The following TDRD9 variants were observed in gnomAD, a reference collection of about 807,000 sequenced individuals.
TDRD9 encodes the protein tudor domain containing 9.
TDRD9 carries 124 observed loss-of-function variants against 172.6 expected under a neutral mutation model. That is an observed-to-expected ratio of 0.72 (90% CI 0.62 to 0.83). The LOEUF is 0.83. Among genes scored for constraint, TDRD9 ranks in the 40% least tolerant of loss-of-function variants. TDRD9 has a pLI of 0.00. For missense variants in TDRD9, 1,479 were observed against 1,714.1 expected, an observed-to-expected ratio of 0.86 and a Z score of 2.42; for synonymous variants, 619 against 617.1, an observed-to-expected ratio of 1.00 and a Z score of -0.05.
At chr14:103,955,245 G>A (rs181801977) in intron 1 of TDRD9, among the ~76,000 whole-genome samples, 58 of 152,250 alleles carry the variant, frequency 3.8e-4, no homozygotes, top group Non-Finnish European at 7.5e-4. Context: ...TTAATTAGCT[G>A]ATTTCAGCTA....
intron 27 of TDRD9, among the ~76,000 whole-genome samples, chr14:104,026,367 T>C (rs1480320316): frequency 2.0e-5 from 3 of 152,254 alleles, no homozygotes; most frequent in Admixed American, 6.5e-5. Flanking sequence ...TAGTATCTTC[T>C]AATACTGTTT....
At chr14:103,943,089 G>A (rs2031337817) in intron 1 of TDRD9, among the ~76,000 whole-genome samples, 1 of 151,596 alleles carries the variant, frequency 6.6e-6, no homozygotes, top group Non-Finnish European at 1.5e-5. Context: ...CTATTTAGGT[G>A]CATATTGGTT....
intron 32 of TDRD9, among the ~76,000 whole-genome samples, chr14:104,035,443 T>C (rs1370662875): frequency 1.3e-5 from 2 of 152,240 alleles, no homozygotes; most frequent in East Asian, 1.9e-4. Context: ...GTCCCCCTTC[T>C]TGTGGTAACC....
intron 2 of TDRD9, among the ~76,000 whole-genome samples, chr14:103,957,768 C>T (rs2032315793): frequency 6.6e-6 from 1 of 152,148 alleles, no homozygotes; most frequent in South Asian, 2.1e-4. Flanking sequence ...CGTACTGGCC[C>T]AGGGGCACAG....
chr14:103,930,557 C>T (rs199574171), intron 1 of TDRD9, among the ~76,000 whole-genome samples: 25 of 152,300 alleles, frequency 1.6e-4, no homozygotes, highest in African/African-American at 5.5e-4. Context: ...GTCAAGCTTT[C>T]GTGGGTTGCT....
chr14:103,968,512 C>A (rs1313907089), intron 5 of TDRD9, among the ~76,000 whole-genome samples: 1 of 151,690 alleles, frequency 6.6e-6, no homozygotes, highest in Admixed American at 6.6e-5. Context: ...TTGGGCCGGG[C>A]ACGGTGGCTC....
At chr14:104,015,109 G>T (rs1773475004) in intron 21 of TDRD9, among the ~76,000 whole-genome samples, 1 of 152,024 alleles carries the variant, frequency 6.6e-6, no homozygotes, top group South Asian at 2.1e-4. Flanking sequence ...AATTTCCAGG[G>T]GAGTGTTTCT....
rs576690852 is a variant in TDRD9, at chr14:104,052,315, G to A, written c.*233G>A. ...TCTTTTCTAGAAACAGAAAATCACT[G>A]TATTAAATATTTTGGAAAGATTGTT... On this transcript the variant is annotated 3_prime_UTR_variant, in exon 36 of 36. Coordinates refer to ENST00000409874, the MANE Select transcript of TDRD9 (RefSeq NM_153046.3). 22 of 322,778 alleles carry A rather than the reference G, an allele frequency of 6.8e-5. No individual in the cohort carries two copies. Among genetic ancestry groups the A allele is most frequent in the Non-Finnish European group, 1.0e-4 (18 of 173,976 alleles). The allele number at this position is 322,778 out of a possible 1,614,324, so 20.0% of individuals were successfully genotyped here.
intron 8 of TDRD9, among the ~76,000 whole-genome samples, chr14:103,986,833 T>C (rs142669844): frequency 1.1e-4 from 17 of 152,262 alleles, no homozygotes; most frequent in African/African-American, 3.8e-4. Context: ...TTTAAAAATA[T>C]GGCTGGGCGC....
chr14:104,047,123 A>G (rs996043893), intron 34 of TDRD9, among the ~76,000 whole-genome samples: 1 of 152,220 alleles, frequency 6.6e-6, no homozygotes, highest in Admixed American at 6.5e-5. Flanking sequence ...CATCCAGTCC[A>G]TGAAGATGGA....
At chr14:103,943,114 T>C (rs189963832) in intron 1 of TDRD9, among the ~76,000 whole-genome samples, 1 of 152,106 alleles carries the variant, frequency 6.6e-6, no homozygotes, top group East Asian at 1.9e-4. Context: ...ATGGTCATTA[T>C]TGTGCTATTT....
rs753958523 is a variant in TDRD9 at position 104,035,026 on chromosome 14, G to A, written c.3686G>A (p.Ser1229Asn). The change falls in exon 32 of 36, where the codon AGC becomes AAC. Residue 1229 changes from serine (S) to asparagine (N), a missense_variant. Ser to Asn is a conservative substitution (Grantham distance 46, BLOSUM62 1). Coordinates refer to ENST00000409874, the MANE Select transcript of TDRD9 (RefSeq NM_153046.3). ...ATCCCTGGCCTCCCGGCTCTCCTCA[G>A]CATGTTATTCGCACCGGTGATAGAG... The part of the protein sequence containing the change: ...PHIPGLPALL[S>N]MLFAPVIELR... 9 of 1,551,786 alleles carry A rather than the reference G, an allele frequency of 5.8e-6. No homozygotes were observed. The highest frequency in any genetic ancestry group is 7.0e-6 in the Non-Finnish European group (8 of 1,146,980).
At chr14:103,984,821 TGCCA>T (rs1404862019) in intron 7 of TDRD9, among the ~76,000 whole-genome samples, 1 of 152,082 alleles carries the variant, frequency 6.6e-6, no homozygotes, top group Non-Finnish European at 1.5e-5. Context: ...AGACATTCAA[TGCCA>T]GCCCATGAAA....
At chr14:103,998,536 C>T (rs1772572100) in intron 12 of TDRD9, 88 bp from the exon 13 acceptor site, 2 of 799,280 alleles carry the variant, frequency 2.5e-6, no homozygotes. Flanking sequence ...CTGCATGTTT[C>T]AAATGGCTTT....
intron 5 of TDRD9, among the ~76,000 whole-genome samples, chr14:103,968,706 G>C (rs1222839289): frequency 6.9e-6 from 1 of 145,690 alleles, no homozygotes; most frequent in Non-Finnish European, 1.5e-5. Context: ...TGAGGCAGGA[G>C]AATGGCGTGA....
intron 2 of TDRD9, among the ~76,000 whole-genome samples, chr14:103,957,937 A>G (rs1185582315): frequency 2.0e-5 from 3 of 152,286 alleles, no homozygotes; most frequent in South Asian, 4.1e-4. Context: ...TTCTTTATGC[A>G]TGGTATCATA....
At chr14:103,930,423 A>G (rs1595885382) in intron 1 of TDRD9, among the ~76,000 whole-genome samples, 1 of 152,234 alleles carries the variant, frequency 6.6e-6, no homozygotes, top group Non-Finnish European at 1.5e-5. Context: ...TGGTCCACCC[A>G]TGTCGGCCTC....
intron 1 of TDRD9, chr14:103,941,054 A>G: frequency 6.5e-7 from 1 of 1,535,358 alleles, no homozygotes; most frequent in Non-Finnish European, 8.7e-7. Flanking sequence ...TTGAAGATGT[A>G]GACTATTTCC....
At chr14:103,951,847 A>G (rs1202087237) in intron 1 of TDRD9, among the ~76,000 whole-genome samples, 2 of 151,474 alleles carry the variant, frequency 1.3e-5, no homozygotes, top group Non-Finnish European at 2.9e-5. Flanking sequence ...GCTCACTGCA[A>G]GCTCCGCCTC....
Sources: gnomAD v4.1 joint callset for allele counts (sites outside exome capture counted in the v4.1 genomes callset) on GRCh38, gnomAD v4.1.1 for gene constraint, MANE v1.5 for transcripts, NCBI Gene and HGNC (gene_info 2026-07-23, HGNC 2026-07-21) for gene names.